Variants in EVC observed in about 807,000 individuals in gnomAD.
The protein encoded by EVC is evC complex member EVC.
Under a neutral mutation model 118.9 loss-of-function variants are expected in EVC, and 116 were observed. The ratio of observed to expected loss-of-function variants is 0.98; its 90% CI spans 0.84 to 1.14. EVC has a LOEUF of 1.14. Among genes scored for constraint, EVC ranks in the 50% most tolerant of loss-of-function variants. EVC has a pLI of 0.00. For synonymous variants in EVC, 619 were observed against 534.7 expected (o/e 1.16, Z -2.18); for missense variants, 1,401 against 1,246.4 (o/e 1.12, Z -1.87).
At chr4:5,777,200 G>C (rs985195846) in intron 11 of EVC, among the ~76,000 whole-genome samples, 5 of 152,154 alleles carry the variant, frequency 3.3e-5, no homozygotes, top group African/African-American at 1.2e-4. Context: ...TCAGATATCA[G>C]CACCTCTAGT....
intron 2 of EVC, among the ~76,000 whole-genome samples, chr4:5,726,480 G>A (rs1725828528): frequency 6.6e-6 from 1 of 152,008 alleles, no homozygotes; most frequent in Non-Finnish European, 1.5e-5. Context: ...TTATTAATGA[G>A]TCAGGGGAGG....
At chr4:5,820,403 G>A in the EVC span, among the ~76,000 whole-genome samples, 1 of 152,088 alleles carries the variant, frequency 6.6e-6, no homozygotes, top group African/African-American at 2.4e-5. Flanking sequence ...GTCCTTTAGT[G>A]TATCTCTAGC....
At chr4:5,718,954 G>C (rs1440730516) in intron 1 of EVC, among the ~76,000 whole-genome samples, 1 of 152,204 alleles carries the variant, frequency 6.6e-6, no homozygotes, top group Non-Finnish European at 1.5e-5. Flanking sequence ...AATGGAACGA[G>C]CTTTGCTCTG....
downstream of EVC, among the ~76,000 whole-genome samples, chr4:5,817,126 A>C (rs1215477992): frequency 6.6e-6 from 1 of 152,220 alleles, no homozygotes; most frequent in Non-Finnish European, 1.5e-5. Context: ...ACATGGCTAC[A>C]AGTGAACGTT....
chr4:5,750,106 A>T (rs1730124824), intron 8 of EVC, among the ~76,000 whole-genome samples: 1 of 152,116 alleles, frequency 6.6e-6, no homozygotes, highest in Admixed American at 6.6e-5. Context: ...TTTTATTCAC[A>T]GCACGCAGAT....
rs950977304 is a variant in EVC at position 5,743,042 on chromosome 4, G to A, written c.801+1228G>A. Among the ~76,000 whole-genome samples, 1 of 152,212 alleles carries A rather than the reference G, an allele frequency of 6.6e-6. No homozygotes were observed. The highest frequency in any genetic ancestry group is 1.5e-5 in the Non-Finnish European group (1 of 68,038). On this transcript the variant is annotated intron_variant, in intron 6 of 20. Transcript: ENST00000264956. The surrounding 1 kb of genome is among the most constrained non-coding windows in gnomAD (Gnocchi z 4.7). ...CAGTTCATTGCAAATTGAGGGACAGGTTATTTAGAACTTTCTAAAAAGGGG... is the reference window on the plus strand; with the variant it reads ...CAGTTCATTGCAAATTGAGGGACAGATTATTTAGAACTTTCTAAAAAGGGG...
At chr4:5,802,632 G>A (rs991874098) in intron 16 of EVC, among the ~76,000 whole-genome samples, 14 of 152,162 alleles carry the variant, frequency 9.2e-5, no homozygotes, top group Middle Eastern at 3.2e-3. Flanking sequence ...ATGGGAGAGC[G>A]GCACATCATC....
intron 5 of EVC, among the ~76,000 whole-genome samples, chr4:5,740,070 A>G (rs1728284819): frequency 6.6e-6 from 1 of 152,246 alleles, no homozygotes; most frequent in Non-Finnish European, 1.5e-5. Context: ...ACATCCATAA[A>G]CAATAACAAC....
At chr4:5,771,439 C>G (rs1371276975) in intron 11 of EVC, among the ~76,000 whole-genome samples, 4 of 152,094 alleles carry the variant, frequency 2.6e-5, no homozygotes, top group Non-Finnish European at 4.4e-5. Context: ...CAGTGTCATC[C>G]AGGATCTTCT....
At chr4:5,806,836 C>T (rs1446386820) in intron 17 of EVC, among the ~76,000 whole-genome samples, 2 of 152,180 alleles carry the variant, frequency 1.3e-5, no homozygotes, top group East Asian at 3.9e-4. Context: ...TCTCCACATC[C>T]TCACCAAGTG....
At chr4:5,810,879 AT>A in intron 20 of EVC, 73 bp from the exon 21 acceptor site, 1 of 1,359,748 alleles carries the variant, frequency 7.4e-7, no homozygotes, top group East Asian at 2.4e-5. Context: ...ATTTAATCCG[AT>A]TGGGTAAGTT....
intron 8 of EVC, among the ~76,000 whole-genome samples, chr4:5,751,926 G>A (rs1730433230): frequency 6.6e-6 from 1 of 152,176 alleles, no homozygotes; most frequent in South Asian, 2.1e-4. Context: ...AGAACTTCCT[G>A]CACCATGCCT....
intron 12 of EVC, 89 bp downstream of exon 12, chr4:5,783,853 T>A: frequency 8.3e-7 from 1 of 1,206,586 alleles, no homozygotes; most frequent in African/African-American, 1.5e-5. Flanking sequence ...GAACACCCAC[T>A]AGTGCCTATT....
rs189452366 is a variant in EVC at position 5,738,363 on chromosome 4, G to A, written c.703-3353G>A. Reference sequence around the variant, plus strand: ...TGTAAACTTATTTGATAAAGCAGCTGCAGGGTTTGAGAGGATTGACTCCAA... The same window carrying A: ...TGTAAACTTATTTGATAAAGCAGCTACAGGGTTTGAGAGGATTGACTCCAA... On this transcript the variant is annotated intron_variant, in intron 5 of 20. Coordinates refer to ENST00000264956, the MANE Select transcript of EVC (RefSeq NM_153717.3). The surrounding 1 kb of genome is among the most constrained non-coding windows in gnomAD (Gnocchi z 6.5). Among the ~76,000 whole-genome samples, 10 of 152,322 alleles carry A rather than the reference G, an allele frequency of 6.6e-5. No homozygotes were observed. The highest frequency in any genetic ancestry group is 1.3e-4 in the Admixed American group (2 of 15,308).
chr4:5,815,494 G>T (rs1047609975), downstream of EVC, among the ~76,000 whole-genome samples: 8 of 152,300 alleles, frequency 5.3e-5, no homozygotes, highest in African/African-American at 1.9e-4. Flanking sequence ...CGTTTAGAGG[G>T]TAAAGCGTGA....
At chr4:5,822,493 AG>A in the EVC span, among the ~76,000 whole-genome samples, 4,951 of 133,528 alleles carry the variant, frequency 0.037, 143 homozygotes, top group African/African-American at 0.091. Flanking sequence ...GTGGATCTGA[AG>A]GGGGGGGGGG....
At chr4:5,797,341 G>T (rs1714161057) in intron 14 of EVC, 109 bp downstream of exon 14, 3 of 949,554 alleles carry the variant, frequency 3.2e-6, no homozygotes, top group Non-Finnish European at 3.3e-6. Flanking sequence ...CCTTGGTGCT[G>T]CAGGGTGCGG....
rs901405020 is a variant in EVC at position 5,711,283 on chromosome 4, C to T, written c.-98C>T. ...AGAAAGTCTGCGGAGCGGGCCGCGC[C>T]CCTGGCCCGCCCGGGCTCCAAGTCC... On this transcript the variant is annotated 5_prime_UTR_variant, in exon 1 of 21. Coordinates refer to ENST00000264956, the MANE Select transcript of EVC (RefSeq NM_153717.3). 6 of 822,700 alleles carry T rather than the reference C, an allele frequency of 7.3e-6. No individual in the cohort carries two copies. The highest frequency in any genetic ancestry group is 7.3e-6 in the Non-Finnish European group (5 of 680,394). 51.0% of individuals were successfully genotyped at this position (822,700 alleles called of 1,614,324 possible).
At position 5,733,710 on chromosome 4, in the gene EVC, G is replaced by C. The variant is rs375039252; in HGVS notation, c.702+275G>C. ...TCCTCCCGGGCTACACCTCCTGCTG[G>C]AGATAGAGATAAAAGATATTTAAAA... On this transcript the variant is annotated intron_variant, in intron 5 of 20. Coordinates refer to ENST00000264956, the MANE Select transcript of EVC (RefSeq NM_153717.3). 1.1e-3 allele frequency among the ~76,000 whole-genome samples: 160 copies of C among 152,306 alleles called. 1 individual carries two copies. Among genetic ancestry groups the C allele is most frequent in the African/African-American group, 3.5e-3 (144 of 41,554 alleles).
Sources: gnomAD v4.1 joint callset for allele counts (sites outside exome capture counted in the v4.1 genomes callset) on GRCh38, gnomAD v4.1.1 for gene constraint, Gnocchi (gnomAD v3.1) non-coding constraint, MANE v1.5 for transcripts, NCBI Gene and HGNC (gene_info 2026-07-23, HGNC 2026-07-21) for gene names.